Variants in ZAP70 observed in about 807,000 individuals in gnomAD.
ZAP70 encodes tyrosine-protein kinase ZAP-70.
Under a neutral mutation model 65.8 loss-of-function variants are expected in ZAP70, and 27 were observed. The observed-to-expected ratio is 0.41, with a 90% CI of 0.30 to 0.57. The LOEUF is 0.57. Ranked by LOEUF, ZAP70 falls within the 20% of genes least tolerant of loss-of-function variation. The probability of loss-of-function intolerance (pLI) is 0.28; values close to 1 mark genes in which losing one functional copy is unlikely to be tolerated. For missense variants in ZAP70, 696 were observed against 870.5 expected (o/e 0.80, Z 2.52); for synonymous variants, 363 against 360.8 (o/e 1.01, Z -0.07).
the ZAP70 span, among the ~76,000 whole-genome samples, chr2:97,749,957 A>AG: frequency 7.9e-5 from 12 of 152,238 alleles, no homozygotes; most frequent in East Asian, 2.1e-3. Context: ...TGCCATTTCT[A>AG]GGGGTTTAAC....
Position 97,726,956 on chromosome 2 carries a change from G to C in ZAP70, c.563+1704G>C, listed in dbSNP as rs77439690. Among the ~76,000 whole-genome samples, 692 of 152,338 alleles carry C rather than the reference G, an allele frequency of 4.5e-3. 17 individuals carry two copies. The East Asian group carries it at 0.069, about 15-fold the overall frequency. ...TGAGCTAACTAAGCAGTTCTGGTTT[G>C]GGTCATCTAGGCTGGGCCTGAATAG... On this transcript the variant is annotated intron_variant, in intron 4 of 13. Coordinates refer to ENST00000264972, the MANE Select transcript of ZAP70 (RefSeq NM_001079.4).
the ZAP70 span, among the ~76,000 whole-genome samples, chr2:97,756,065 T>G: frequency 6.6e-6 from 1 of 152,188 alleles, no homozygotes; most frequent in Non-Finnish European, 1.5e-5. Context: ...TTACTGCTTT[T>G]TATGAGGCCT....
chr2:97,734,264 C>T (rs1165962851), intron 8 of ZAP70: 8 of 1,026,450 alleles, frequency 7.8e-6, no homozygotes, highest in East Asian at 2.8e-5. Context: ...GGCACAGTAA[C>T]GGTGCCACGT....
At chr2:97,716,679 A>G (rs1465319878) in intron 2 of ZAP70, among the ~76,000 whole-genome samples, 5 of 152,184 alleles carry the variant, frequency 3.3e-5, no homozygotes, top group Middle Eastern at 3.4e-3. Flanking sequence ...TGAACGAATA[A>G]CATGAGGAGG....
At chr2:97,733,059 G>A (rs1677679802) in intron 5 of ZAP70, 38 bp downstream of exon 5, 1 of 1,613,884 alleles carries the variant, frequency 6.2e-7, no homozygotes, top group Non-Finnish European at 8.5e-7. Flanking sequence ...GAGATGCCGT[G>A]CTCAGATGGG....
At chr2:97,755,489 T>A in the ZAP70 span, among the ~76,000 whole-genome samples, 1 of 152,160 alleles carries the variant, frequency 6.6e-6, no homozygotes, top group Non-Finnish European at 1.5e-5. Context: ...GGCTTTGGGG[T>A]ATAGCTGTAT....
rs1677262568 is a variant in ZAP70, at chr2:97,723,955, G to A, written c.-21-61G>A. 3.9e-6 allele frequency: 6 copies of A among 1,523,106 alleles called. No individual in the cohort carries two copies. The Admixed American group carries it at 1.2e-4, about 30-fold the overall frequency. The allele number at this position is 1,523,106 out of a possible 1,614,324, so 94.3% of individuals were successfully genotyped here. ...CTTGGCGTCTCTCGCGCCGTCTTTGGGCCCAACGCACCAGGTTCAGGAAGG... is the reference window on the plus strand; with the variant it reads ...CTTGGCGTCTCTCGCGCCGTCTTTGAGCCCAACGCACCAGGTTCAGGAAGG... On this transcript the variant is annotated intron_variant, in intron 2 of 13. Coordinates refer to ENST00000264972, the MANE Select transcript of ZAP70 (RefSeq NM_001079.4).
rs1445801327 is a variant in ZAP70, at chr2:97,715,547, TCAA to T, written c.-22+1556_-22+1558del. On this transcript the variant is annotated intron_variant, in intron 2 of 13. Transcript: ENST00000264972. The surrounding 1 kb of genome is among the most constrained non-coding windows in gnomAD (Gnocchi z 4.1). ...GGGGCGGTGGAAGGGCATTGTTCAA[TCAA>T]CAGACACTTGGAGAGTGTGCTGGGT... 6.6e-6 allele frequency among the ~76,000 whole-genome samples: 1 copy of T among 152,120 alleles called. No homozygotes were observed. The highest frequency in any genetic ancestry group is 1.9e-4 in the East Asian group (1 of 5,186).
rs558156771 is a variant in ZAP70 at position 97,739,227 on chromosome 2, C to T, written c.1737-148C>T. 313 of 1,278,868 alleles carry T rather than the reference C, an allele frequency of 2.4e-4. 1 individual carries two copies. The highest frequency in any genetic ancestry group is 3.4e-4 in the Admixed American group (15 of 44,008). 79.2% of individuals were successfully genotyped at this position (1,278,868 alleles called of 1,614,324 possible). On this transcript the variant is annotated intron_variant, in intron 13 of 13. Transcript: ENST00000264972. ...CTCTCACACCCCAGAGTCCTCTCCA[C>T]CACCCAATGTCCCGCCACCCCAACA...
At chr2:97,751,341 GAAATA>G in the ZAP70 span, among the ~76,000 whole-genome samples, 2 of 152,156 alleles carry the variant, frequency 1.3e-5, no homozygotes, top group Non-Finnish European at 2.9e-5. Context: ...GATAAAGCTG[GAAATA>G]AAATGTAATC....
chr2:97,715,035 G>A lies in ZAP70; in HGVS notation c.-22+1041G>A, dbSNP rs1317818423. Among the ~76,000 whole-genome samples the A allele has an allele frequency of 3.3e-5, 5 of 152,092 alleles. No individual in the cohort carries two copies. The highest frequency in any genetic ancestry group is 2.6e-4 in the Admixed American group (4 of 15,276). On this transcript the variant is annotated intron_variant, in intron 2 of 13. Coordinates refer to ENST00000264972, the MANE Select transcript of ZAP70 (RefSeq NM_001079.4). The surrounding 1 kb of genome is among the most constrained non-coding windows in gnomAD (Gnocchi z 4.1). Reference sequence around the variant, plus strand: ...GAGAGTGACTGTATCCACACTGCCCGGCACATACAGGTGCTGCAGAAAGGT... The same window carrying A: ...GAGAGTGACTGTATCCACACTGCCCAGCACATACAGGTGCTGCAGAAAGGT...
At position 97,736,046 on chromosome 2, in the gene ZAP70, A is replaced by G. The variant is rs536023036; in HGVS notation, c.1289+590A>G. 1.5e-3 allele frequency among the ~76,000 whole-genome samples: 226 copies of G among 152,290 alleles called. 1 individual carries two copies. Among genetic ancestry groups the G allele is most frequent in the African/African-American group, 5.4e-3 (223 of 41,550 alleles). On this transcript the variant is annotated intron_variant, in intron 10 of 13. Coordinates refer to ENST00000264972, the MANE Select transcript of ZAP70 (RefSeq NM_001079.4). This position sits in a 1 kb window ranked among gnomAD's most constrained non-coding sequence, Gnocchi z 4.0. Reference sequence around the variant, plus strand: ...ATAAAAATAAATAAAGGGCACTGCTAGTAAGAGCTTTGTACACATCAGCTG... The same window carrying G: ...ATAAAAATAAATAAAGGGCACTGCTGGTAAGAGCTTTGTACACATCAGCTG...
chr2:97,724,301 C>T lies in ZAP70; in HGVS notation c.265C>T (p.Arg89Cys). 6.3e-7 allele frequency: 1 copy of T among 1,592,086 alleles called. No homozygotes were observed. Among genetic ancestry groups the T allele is most frequent in the African/African-American group, 1.3e-5 (1 of 74,768 alleles). Residue 89 changes from arginine to cysteine, a missense_variant, in exon 3 of 14, where the codon CGC becomes TGC. Transcript: ENST00000264972. The stretch of plus-strand genomic sequence containing the variant: ...GGCAGAGCTCTGCGAGTTCTACTCG[C>T]GCGACCCCGACGGGCTGCCCTGCAA... ...GPAELCEFYS[R>C]DPDGLPCNLR...
chr2:97,753,343 C>G, the ZAP70 span, among the ~76,000 whole-genome samples: 92 of 152,294 alleles, frequency 6.0e-4, no homozygotes, highest in East Asian at 0.012. Context: ...TAAATATAGT[C>G]TTTTCAATTG....
At chr2:97,747,815 G>GTTTTTTTTTTTTTTTTTTTTTTTTTTTTT in the ZAP70 span, among the ~76,000 whole-genome samples, 1 of 54,792 alleles carries the variant, frequency 1.8e-5, no homozygotes, top group African/African-American at 8.8e-5. Context: ...CTGGCACGAG[G>GTTTTTTTTTTTTTTTTTTTTTTTTTTTTT]TTTTTTTTTT....
intron 2 of ZAP70, among the ~76,000 whole-genome samples, chr2:97,721,580 ATTTTTTT>A (rs796509420): frequency 1.9e-3 from 158 of 81,172 alleles, no homozygotes; most frequent in Admixed American, 5.6e-3. Context: ...TGGCTGGCTG[ATTTTTTT>A]TTTTTTTTTT....
rs1380283078 is a variant in ZAP70 at position 97,736,699 on chromosome 2, CGTG to C, written c.1290-772_1290-770del. On this transcript the variant is annotated intron_variant, in intron 10 of 13. Transcript: ENST00000264972. The surrounding 1 kb of genome is among the most constrained non-coding windows in gnomAD (Gnocchi z 4.0). ...ACTGAGGGAGGCCGCCATGCCCAGA[CGTG>C]GGGAAGGGCATTCCAGGCAAAGGGC... 3.9e-4 allele frequency among the ~76,000 whole-genome samples: 60 copies of C among 152,130 alleles called. No individual in the cohort carries two copies. Among genetic ancestry groups the C allele is most frequent in the Admixed American group, 3.9e-3 (60 of 15,276 alleles).
chr2:97,729,555 A>T (rs987197058), intron 4 of ZAP70, among the ~76,000 whole-genome samples: 1 of 152,222 alleles, frequency 6.6e-6, no homozygotes, highest in African/African-American at 2.4e-5. Flanking sequence ...AATAAATTGT[A>T]GCCCTTTTGT....
intron 2 of ZAP70, among the ~76,000 whole-genome samples, chr2:97,722,368 G>A (rs568302662): frequency 7.6e-4 from 116 of 152,342 alleles, no homozygotes; most frequent in Admixed American, 1.4e-3. Flanking sequence ...GGCATGAGCC[G>A]TTGCACTCGG....
Sources: allele counts gnomAD v4.1 joint callset (sites outside exome capture counted in the v4.1 genomes callset), GRCh38; gene constraint gnomAD v4.1.1; non-coding constraint Gnocchi (gnomAD v3.1); transcripts MANE v1.5; gene names NCBI Gene and HGNC (gene_info 2026-07-23, HGNC 2026-07-21).